Variants in RAP1GAP2 observed in about 807,000 individuals in gnomAD.
RAP1GAP2 encodes the protein RAP1 GTPase activating protein 2.
RAP1GAP2 carries 27 observed loss-of-function variants against 95.0 expected under a neutral mutation model. The observed-to-expected ratio is 0.28, with a 90% CI of 0.21 to 0.39. The LOEUF (loss-of-function observed/expected upper bound fraction) is 0.39, where lower values mean the gene tolerates loss of function less well. RAP1GAP2 is among the 10% of genes least tolerant of loss of function. The pLI is 1.00. For missense variants in RAP1GAP2, 771 were observed against 970.0 expected (o/e 0.79, Z 2.72); for synonymous variants, 373 against 380.9 (o/e 0.98, Z 0.24).
chr17:2,957,438 C>A (rs1393614885), intron 3 of RAP1GAP2, among the ~76,000 whole-genome samples: 1 of 152,206 alleles, frequency 6.6e-6, no homozygotes. Flanking sequence ...GGCTGAATGC[C>A]GAGGACGATA....
chr17:2,948,218 A>C (rs1225355972), intron 3 of RAP1GAP2, among the ~76,000 whole-genome samples: 2 of 152,192 alleles, frequency 1.3e-5, no homozygotes, highest in Non-Finnish European at 2.9e-5. Flanking sequence ...TTCTGTGAAC[A>C]TGAGTGTGTG....
intron 1 of RAP1GAP2, among the ~76,000 whole-genome samples, chr17:2,782,152 C>G (rs2151449610): frequency 6.6e-6 from 1 of 152,306 alleles, no homozygotes; most frequent in East Asian, 1.9e-4. Flanking sequence ...CCATCCCGCC[C>G]TCTCTCCAGG....
At chr17:2,776,856 A>G (rs1458207555), upstream of RAP1GAP2, among the ~76,000 whole-genome samples, 2 of 125,172 alleles carry the variant, frequency 1.6e-5, no homozygotes, top group Admixed American at 7.6e-5. Flanking sequence ...GAGGAGGAGG[A>G]GGGGGCTGGG....
intron 3 of RAP1GAP2, among the ~76,000 whole-genome samples, chr17:2,939,482 C>T (rs945572641): frequency 6.6e-6 from 1 of 152,198 alleles, no homozygotes; most frequent in Non-Finnish European, 1.5e-5. Context: ...CTCTCTTTTA[C>T]TTGTTTTTAT....
chr17:2,897,637 G>T (rs1301782252), intron 2 of RAP1GAP2, among the ~76,000 whole-genome samples: 3 of 152,096 alleles, frequency 2.0e-5, no homozygotes, highest in African/African-American at 7.2e-5. Context: ...TGGGATGACA[G>T]GCGTGAGCCA....
intron 1 of RAP1GAP2, among the ~76,000 whole-genome samples, chr17:2,767,516 C>T (rs2068299784): frequency 6.6e-6 from 1 of 151,932 alleles, no homozygotes; most frequent in African/African-American, 2.4e-5. Flanking sequence ...TTTTGTGTCT[C>T]CAGAGTTTCT....
At chr17:2,969,491 A>G (rs2044760939) in intron 8 of RAP1GAP2, among the ~76,000 whole-genome samples, 1 of 123,190 alleles carries the variant, frequency 8.1e-6, no homozygotes, top group Non-Finnish European at 1.6e-5. Context: ...GTAAATATAT[A>G]TATTCTTTTT....
At chr17:2,779,440 C>G (rs538729060) in intron 1 of RAP1GAP2, among the ~76,000 whole-genome samples, 4 of 152,216 alleles carry the variant, frequency 2.6e-5, no homozygotes, top group Admixed American at 2.6e-4. Flanking sequence ...AGACCCCTCC[C>G]GGTCATAGGA....
chr17:2,811,274 G>C (rs529982090), intron 2 of RAP1GAP2, among the ~76,000 whole-genome samples: 80 of 152,296 alleles, frequency 5.3e-4, no homozygotes, highest in African/African-American at 1.8e-3. Context: ...TGGACAGCTA[G>C]AGGCGATGGG....
At chr17:3,018,787 G>A (rs978508514) in intron 18 of RAP1GAP2, among the ~76,000 whole-genome samples, 8 of 152,190 alleles carry the variant, frequency 5.3e-5, no homozygotes, top group African/African-American at 1.4e-4. Flanking sequence ...ATTTGAGGCC[G>A]GGCGTGGTGG....
At chr17:2,766,001 G>T (rs1201582945) in intron 1 of RAP1GAP2, among the ~76,000 whole-genome samples, 3 of 152,090 alleles carry the variant, frequency 2.0e-5, no homozygotes, top group Non-Finnish European at 4.4e-5. Flanking sequence ...GTCTAACCTG[G>T]CCGTCCTATT....
intron 3 of RAP1GAP2, among the ~76,000 whole-genome samples, chr17:2,955,123 A>G (rs555670405): frequency 6.6e-5 from 10 of 152,244 alleles, no homozygotes; most frequent in African/African-American, 2.2e-4. Context: ...CCTGCTTTCA[A>G]TTCTTTTGTG....
chr17:2,950,799 T>TG (rs1567814204), intron 3 of RAP1GAP2, among the ~76,000 whole-genome samples: 2 of 151,302 alleles, frequency 1.3e-5, no homozygotes, highest in South Asian at 4.2e-4. Flanking sequence ...TTAGTAGAGA[T>TG]GGGGTTTCAT....
chr17:2,788,921 C>A (rs2068855098), intron 1 of RAP1GAP2, among the ~76,000 whole-genome samples: 1 of 152,074 alleles, frequency 6.6e-6, no homozygotes, highest in South Asian at 2.1e-4. Flanking sequence ...ACAGACATAC[C>A]CAGAAATAAT....
At chr17:2,894,531 C>A (rs1258115944) in intron 2 of RAP1GAP2, among the ~76,000 whole-genome samples, 1 of 152,162 alleles carries the variant, frequency 6.6e-6, no homozygotes, top group Non-Finnish European at 1.5e-5. Flanking sequence ...GTTCTTGTTA[C>A]ACCTGTCTTT....
intron 1 of RAP1GAP2, among the ~76,000 whole-genome samples, chr17:2,780,825 C>A (rs2068628716): frequency 6.6e-6 from 1 of 152,234 alleles, no homozygotes; most frequent in South Asian, 2.1e-4. Flanking sequence ...CCTTTTAAAG[C>A]GGGCATCTCA....
At position 3,036,584 on chromosome 17, in the gene RAP1GAP2, G is replaced by C. The variant is rs540887063; in HGVS notation, c.*3223G>C. 16 of 152,374 alleles carry C rather than the reference G, an allele frequency of 1.1e-4. No homozygotes were observed. In the East Asian group the frequency reaches 2.3e-3, roughly 22 times the overall value. The allele number at this position is 152,374 out of a possible 1,614,324, so 9.4% of individuals were successfully genotyped here. A position where few individuals can be genotyped will look rare whatever the true frequency, so the allele number is the denominator to read the frequency against. On this transcript the variant is annotated 3_prime_UTR_variant, in exon 25 of 25. Coordinates refer to ENST00000254695, the MANE Select transcript of RAP1GAP2 (RefSeq NM_015085.5). ...ATGCAGCTTGAACCAAGAAAACGAG[G>C]AGGGAAAGGGATTCAGTGAACTATT...
intron 3 of RAP1GAP2, among the ~76,000 whole-genome samples, chr17:2,920,010 CTTTTTTT>C (rs34848214): frequency 1.7e-5 from 2 of 116,978 alleles, no homozygotes; most frequent in East Asian, 3.3e-4. Flanking sequence ...CTCCTTTTTT[CTTTTTTT>C]TTTTTTTTTG....
chr17:2,889,300 C>T (rs2073608287), intron 2 of RAP1GAP2, among the ~76,000 whole-genome samples: 2 of 152,292 alleles, frequency 1.3e-5, no homozygotes, highest in South Asian at 4.1e-4. Flanking sequence ...CCGAGTCCTC[C>T]ACCTCTTGGG....
Sources: gnomAD v4.1 joint callset for allele counts (sites outside exome capture counted in the v4.1 genomes callset) on GRCh38, gnomAD v4.1.1 for gene constraint, MANE v1.5 for transcripts, NCBI Gene and HGNC (gene_info 2026-07-23, HGNC 2026-07-21) for gene names.